Variants in ULK4 observed in about 807,000 individuals in gnomAD.
The protein encoded by ULK4 is inactive serine/threonine-protein kinase ULK4.
In ULK4, 133 loss-of-function variants were observed where a neutral mutation model predicts 160.6. The observed-to-expected ratio is 0.83, with a 90% CI of 0.72 to 0.96. ULK4 has a LOEUF of 0.96. Among genes scored for constraint, ULK4 ranks in the 40% least tolerant of loss-of-function variants. The probability of loss-of-function intolerance (pLI) is 0.00; values close to 1 mark genes in which losing one functional copy is unlikely to be tolerated. For missense variants in ULK4, 1,580 were observed against 1,499.5 expected (o/e 1.05, Z -0.89); for synonymous variants, 534 against 539.8 (o/e 0.99, Z 0.15).
At chr3:41,742,130 C>T (rs2038260012) in intron 22 of ULK4, among the ~76,000 whole-genome samples, 1 of 150,950 alleles carries the variant, frequency 6.6e-6, no homozygotes, top group Non-Finnish European at 1.5e-5. Context: ...TTAGTGGGAC[C>T]ATGGGAATTT....
chr3:41,608,381 C>T (rs557423594), intron 31 of ULK4, among the ~76,000 whole-genome samples: 1 of 152,268 alleles, frequency 6.6e-6, no homozygotes, highest in South Asian at 2.1e-4. Context: ...TAACTCTTTG[C>T]TGACATTTCT....
chr3:41,476,359 C>T (rs1297631547), intron 32 of ULK4, among the ~76,000 whole-genome samples: 6 of 152,052 alleles, frequency 3.9e-5, no homozygotes, highest in Non-Finnish European at 8.8e-5. Context: ...ATTAACACTC[C>T]CCTATCTCCC....
intron 3 of ULK4, chr3:41,937,477 T>A (rs1699815513): frequency 1.8e-6 from 1 of 564,630 alleles, no homozygotes; most frequent in African/African-American, 1.9e-5. Context: ...TATCCTTTAT[T>A]GTTACTCAAT....
chr3:41,724,567 C>G (rs1480957420), intron 22 of ULK4, among the ~76,000 whole-genome samples: 2 of 151,878 alleles, frequency 1.3e-5, no homozygotes, highest in Admixed American at 6.6e-5. Context: ...ACTAAAAATA[C>G]AAAAAATTAG....
intron 21 of ULK4, among the ~76,000 whole-genome samples, chr3:41,783,071 G>A (rs1011889919): frequency 3.3e-5 from 5 of 151,686 alleles, no homozygotes; most frequent in Admixed American, 6.6e-5. Flanking sequence ...CAGAGAAGAG[G>A]GAATATGTCA....
chr3:41,772,014 G>A (rs891628883), intron 21 of ULK4, among the ~76,000 whole-genome samples: 1 of 152,038 alleles, frequency 6.6e-6, no homozygotes, highest in Non-Finnish European at 1.5e-5. Flanking sequence ...TGCTCACTCT[G>A]GTGGGTTACC....
chr3:41,562,361 T>C (rs1352682352), intron 32 of ULK4, among the ~76,000 whole-genome samples: 7 of 152,192 alleles, frequency 4.6e-5, no homozygotes, highest in Non-Finnish European at 1.0e-4. Flanking sequence ...GAGAGTTCTG[T>C]AGATGTCTAT....
At chr3:41,772,894 T>C (rs1322354149) in intron 21 of ULK4, among the ~76,000 whole-genome samples, 3 of 152,178 alleles carry the variant, frequency 2.0e-5, no homozygotes, top group Non-Finnish European at 4.4e-5. Flanking sequence ...GCTTCATCCC[T>C]GGGATGCAAG....
chr3:41,295,121 T>G (rs776501721), intron 35 of ULK4, among the ~76,000 whole-genome samples: 1 of 152,182 alleles, frequency 6.6e-6, no homozygotes, highest in African/African-American at 2.4e-5. Context: ...CGGAATAGAA[T>G]AGAGAGCCCA....
intron 27 of ULK4, among the ~76,000 whole-genome samples, chr3:41,688,583 A>C (rs2036177167): frequency 6.6e-6 from 1 of 152,132 alleles, no homozygotes; most frequent in African/African-American, 2.4e-5. Context: ...TTTGTGGTAC[A>C]GAATGTCAAT....
intron 35 of ULK4, among the ~76,000 whole-genome samples, chr3:41,326,471 C>T (rs1575435237): frequency 6.8e-6 from 1 of 147,898 alleles, no homozygotes; most frequent in Non-Finnish European, 1.5e-5. Context: ...TATATATATA[C>T]ATACAAGAAA....
At chr3:41,754,857 A>G (rs2038745415) in intron 21 of ULK4, among the ~76,000 whole-genome samples, 1 of 152,248 alleles carries the variant, frequency 6.6e-6, no homozygotes. Context: ...TACAACTGTC[A>G]GTCACAACTA....
intron 35 of ULK4, among the ~76,000 whole-genome samples, chr3:41,300,836 ATTATATATATATATATATATATATATAT>A (rs1286524120): frequency 3.4e-4 from 27 of 79,460 alleles, no homozygotes; most frequent in South Asian, 1.4e-3. Context: ...CATTTTACAG[ATTATATATATATATATATATATATATAT>A]ATATATATAT....
At chr3:41,654,334 TAAC>T (rs2034854264) in intron 30 of ULK4, among the ~76,000 whole-genome samples, 1 of 152,216 alleles carries the variant, frequency 6.6e-6, no homozygotes, top group African/African-American at 2.4e-5. Flanking sequence ...CAAAGATAGT[TAAC>T]AACCATTAGC....
rs534075999 is a variant in ULK4 at position 41,403,362 on chromosome 3, G to A, written c.3493-5098C>T. The stretch of plus-strand genomic sequence containing the variant: ...GGAAGAATTGGCTCATTTCTTCCAA[G>A]TTACAGAATTTATGAACATAAAATT... On this transcript the variant is annotated intron_variant, in intron 34 of 36. Transcript: ENST00000301831. Among the ~76,000 whole-genome samples the A allele has an allele frequency of 8.5e-5, 13 of 152,230 alleles. No individual in the cohort carries two copies. The South Asian group carries it at 1.7e-3, about 19-fold the overall frequency.
At chr3:41,337,065 G>A (rs574593089) in intron 35 of ULK4, among the ~76,000 whole-genome samples, 1 of 152,144 alleles carries the variant, frequency 6.6e-6, no homozygotes, top group Non-Finnish European at 1.5e-5. Context: ...CCATTTTCTA[G>A]ATGGGGAAAC....
chr3:41,446,439 A>C (rs1203680393), intron 34 of ULK4, among the ~76,000 whole-genome samples: 3 of 152,076 alleles, frequency 2.0e-5, no homozygotes, highest in African/African-American at 4.8e-5. Flanking sequence ...ATGTTTACTG[A>C]GGCACTATTC....
intron 32 of ULK4, among the ~76,000 whole-genome samples, chr3:41,556,167 C>T (rs1030137554): frequency 2.0e-5 from 3 of 152,182 alleles, no homozygotes; most frequent in East Asian, 1.9e-4. Flanking sequence ...GCACTTGTAT[C>T]CCTGAACTTA....
intron 22 of ULK4, among the ~76,000 whole-genome samples, chr3:41,721,362 ATT>A (rs1192444773): frequency 0.012 from 336 of 27,850 alleles, 3 homozygotes; most frequent in East Asian, 0.036. Flanking sequence ...ATATATATAT[ATT>A]TTTTTTTTTT....
Sources: gnomAD v4.1 joint callset for allele counts (sites outside exome capture counted in the v4.1 genomes callset) on GRCh38, gnomAD v4.1.1 for gene constraint, MANE v1.5 for transcripts, NCBI Gene and HGNC (gene_info 2026-07-23, HGNC 2026-07-21) for gene names.